CAMK1D: variants seen among roughly 807,000 people sequenced by gnomAD.
CAMK1D encodes the protein calcium/calmodulin-dependent protein kinase type 1D.
CAMK1D carries 9 observed loss-of-function variants against 47.7 expected under a neutral mutation model. That is an observed-to-expected ratio of 0.19 (90% CI 0.11 to 0.33). CAMK1D has a LOEUF of 0.33. Among genes scored for constraint, CAMK1D ranks in the 10% least tolerant of loss-of-function variants. The pLI, the probability that CAMK1D is intolerant of heterozygous loss-of-function variation, is 1.00. For synonymous variants in CAMK1D, 184 were observed against 184.9 expected, an observed-to-expected ratio of 0.99 and a Z score of 0.04; for missense variants, 291 against 488.7, an observed-to-expected ratio of 0.60 and a Z score of 3.81.
chr10:12,576,323 T>C (rs2132327107), intron 2 of CAMK1D, among the ~76,000 whole-genome samples: 1 of 152,286 alleles, frequency 6.6e-6, no homozygotes, highest in South Asian at 2.1e-4. Context: ...TGGAGACTAT[T>C]ATTCTAGAGC....
intron 1 of CAMK1D, among the ~76,000 whole-genome samples, chr10:12,507,041 G>A (rs1834897980): frequency 6.6e-6 from 1 of 152,362 alleles, no homozygotes; most frequent in East Asian, 1.9e-4. Flanking sequence ...AGGAAATGAT[G>A]TATTGGGTTG....
At chr10:12,622,900 A>C (rs973357719) in intron 2 of CAMK1D, among the ~76,000 whole-genome samples, 1 of 152,014 alleles carries the variant, frequency 6.6e-6, no homozygotes, top group Non-Finnish European at 1.5e-5. Flanking sequence ...ACAACAGTCA[A>C]GGCTTGTGTG....
At chr10:12,364,816 C>T (rs901527994) in intron 1 of CAMK1D, among the ~76,000 whole-genome samples, 1 of 152,150 alleles carries the variant, frequency 6.6e-6, no homozygotes, top group Non-Finnish European at 1.5e-5. Context: ...TAACAACCTA[C>T]TTGCAAAATT....
At chr10:12,416,096 C>T (rs919133819) in intron 1 of CAMK1D, 15 of 151,924 alleles carry the variant, frequency 9.9e-5, no homozygotes, top group African/African-American at 3.4e-4. Flanking sequence ...TGTGCTACGA[C>T]GTGCAGTATT....
intron 5 of CAMK1D, among the ~76,000 whole-genome samples, chr10:12,778,144 G>T (rs1234381517): frequency 6.6e-6 from 1 of 152,200 alleles, no homozygotes; most frequent in African/African-American, 2.4e-5. Flanking sequence ...CGAAGTGTTG[G>T]TTTCAATTTG....
At chr10:12,491,705 C>T (rs891777045) in intron 1 of CAMK1D, among the ~76,000 whole-genome samples, 25 of 151,974 alleles carry the variant, frequency 1.6e-4, no homozygotes, top group African/African-American at 5.1e-4. Context: ...ACAGGAAGGC[C>T]GGCCGCCGAT....
At chr10:12,664,116 C>G (rs914176610) in intron 2 of CAMK1D, among the ~76,000 whole-genome samples, 1 of 152,202 alleles carries the variant, frequency 6.6e-6, no homozygotes, top group African/African-American at 2.4e-5. Flanking sequence ...GCTCTGCTTT[C>G]TCTGAACTTA....
At chr10:12,419,640 G>GCA (rs111807347) in intron 1 of CAMK1D, among the ~76,000 whole-genome samples, 34,589 of 147,032 alleles carry the variant, frequency 0.24, 3,990 homozygotes, top group Admixed American at 0.34. Flanking sequence ...AAGAGAAAAT[G>GCA]CACACACACA....
At chr10:12,589,510 AGC>A (rs1837933577) in intron 2 of CAMK1D, among the ~76,000 whole-genome samples, 1 of 152,158 alleles carries the variant, frequency 6.6e-6, no homozygotes, top group African/African-American at 2.4e-5. Flanking sequence ...CTTAAATGAG[AGC>A]AAATGGAAGC....
rs10458806 is a variant in CAMK1D, at chr10:12,537,605, G to T, written c.93-15620G>T. On this transcript the variant is annotated intron_variant, in intron 1 of 10. Transcript: ENST00000619168. Reference sequence around the variant, plus strand: ...ATGCTCGTTGGCCATTCTGTGAATTGTATGTCTGTATCCTTCCCCGCATCT... The same window carrying T: ...ATGCTCGTTGGCCATTCTGTGAATTTTATGTCTGTATCCTTCCCCGCATCT... Among the ~76,000 whole-genome samples the T allele has an allele frequency of 2.6e-3, 393 of 152,290 alleles. 11 individuals are homozygous for T. The East Asian group carries it at 0.047, about 18-fold the overall frequency.
intron 1 of CAMK1D, among the ~76,000 whole-genome samples, chr10:12,417,960 C>A (rs1839911265): frequency 6.6e-6 from 1 of 152,118 alleles, no homozygotes; most frequent in Admixed American, 6.5e-5. Flanking sequence ...TGCCACCACA[C>A]CCGGCTAATT....
chr10:12,452,397 G>A (rs1833109425), intron 1 of CAMK1D, among the ~76,000 whole-genome samples: 1 of 151,478 alleles, frequency 6.6e-6, no homozygotes, highest in Admixed American at 6.6e-5. Context: ...AGAATGTTAT[G>A]TGGACTGAAT....
At chr10:12,503,500 AG>A (rs1025269916) in intron 1 of CAMK1D, among the ~76,000 whole-genome samples, 6 of 152,090 alleles carry the variant, frequency 3.9e-5, no homozygotes, top group African/African-American at 1.4e-4. Flanking sequence ...GAGAGCAGAG[AG>A]GGGGGCCTGT....
intron 1 of CAMK1D, among the ~76,000 whole-genome samples, chr10:12,524,485 A>G (rs1355670088): frequency 1.3e-5 from 2 of 151,958 alleles, no homozygotes; most frequent in Non-Finnish European, 2.9e-5. Flanking sequence ...AGGCGGGCGG[A>G]TCACGAGGTC....
intron 1 of CAMK1D, among the ~76,000 whole-genome samples, chr10:12,506,014 G>A (rs1466651765): frequency 6.6e-6 from 1 of 152,206 alleles, no homozygotes; most frequent in African/African-American, 2.4e-5. Context: ...TGTCCTAGAT[G>A]TGTGAAGATG....
chr10:12,762,468 A>G (rs957917719), intron 4 of CAMK1D, among the ~76,000 whole-genome samples: 1 of 152,118 alleles, frequency 6.6e-6, no homozygotes, highest in Non-Finnish European at 1.5e-5. Context: ...GCATGTTGTC[A>G]TGTTCCATTG....
rs1258729293 is a variant in CAMK1D, at chr10:12,648,889, T to C, written c.225-17847T>C. Among the ~76,000 whole-genome samples the C allele has an allele frequency of 2.0e-5, 3 of 152,200 alleles. No individual in the cohort carries two copies. The East Asian group carries it at 5.8e-4, about 29-fold the overall frequency. ...GCATCTGTTTGAATTTATTTTTTAA[T>C]TTTTTGGAGACAAGGTCTTGCTCTG... is the stretch of plus-strand genomic sequence containing the variant. On this transcript the variant is annotated intron_variant, in intron 2 of 10. Coordinates refer to ENST00000619168, the MANE Select transcript of CAMK1D (RefSeq NM_153498.4).
intron 3 of CAMK1D, among the ~76,000 whole-genome samples, chr10:12,686,420 C>T (rs1564491911): frequency 6.6e-6 from 1 of 152,098 alleles, no homozygotes; most frequent in Non-Finnish European, 1.5e-5. Context: ...CTCCCAAGTT[C>T]AAGCGATTCT....
At chr10:12,701,641 T>C (rs1349217980) in intron 3 of CAMK1D, among the ~76,000 whole-genome samples, 1 of 152,250 alleles carries the variant, frequency 6.6e-6, no homozygotes, top group Non-Finnish European at 1.5e-5. Context: ...AGTATCTATC[T>C]TCCAGTGACC....
Sources: allele counts gnomAD v4.1 joint callset (sites outside exome capture counted in the v4.1 genomes callset), GRCh38; gene constraint gnomAD v4.1.1; transcripts MANE v1.5; gene names NCBI Gene and HGNC (gene_info 2026-07-23, HGNC 2026-07-21).